CCDC73: variants seen among roughly 807,000 people sequenced by gnomAD.
CCDC73 encodes coiled-coil domain-containing protein 73.
In CCDC73, 95 loss-of-function variants were observed where a neutral mutation model predicts 116.5. The observed-to-expected ratio is 0.82, with a 90% CI of 0.69 to 0.97. The LOEUF (loss-of-function observed/expected upper bound fraction) is 0.97. Among genes scored for constraint, CCDC73 ranks in the 50% least tolerant of loss-of-function variants. CCDC73 has a pLI of 0.00. For missense variants in CCDC73, 1,066 were observed against 1,206.8 expected, an observed-to-expected ratio of 0.88 and a Z score of 1.73; for synonymous variants, 398 against 401.3, an observed-to-expected ratio of 0.99 and a Z score of 0.10.
intron 14 of CCDC73, among the ~76,000 whole-genome samples, chr11:32,624,359 A>C (rs509396): frequency 0.43 from 65,466 of 151,414 alleles, 14,507 homozygotes; most frequent in African/African-American, 0.49. Flanking sequence ...AAAATAAATA[A>C]ATAAATAAAT....
intron 6 of CCDC73, among the ~76,000 whole-genome samples, chr11:32,693,284 T>C (rs973011412): frequency 5.3e-5 from 8 of 152,240 alleles, no homozygotes; most frequent in African/African-American, 1.7e-4. Context: ...ACAGGTTTCC[T>C]TGCCTAGTGG....
chr11:32,654,049 G>T lies in CCDC73; in HGVS notation c.775-12C>A. On this transcript the variant is annotated splice_polypyrimidine_tract_variant and intron_variant, in intron 10 of 17. Coordinates refer to ENST00000335185, the MANE Select transcript of CCDC73 (RefSeq NM_001008391.4). ...TTTAATTCCAATTCCTTTAAAATTT[G>T]AATAGTTTTAAAGTTATGATATAAA... is the stretch of plus-strand genomic sequence containing the variant. 4 of 1,577,290 alleles carry T rather than the reference G, an allele frequency of 2.5e-6. No homozygotes were observed. The highest frequency in any genetic ancestry group is 1.2e-5 in the South Asian group (1 of 86,460).
intron 2 of CCDC73, among the ~76,000 whole-genome samples, chr11:32,739,663 C>T (rs1266870295): frequency 6.6e-6 from 1 of 152,088 alleles, no homozygotes; most frequent in Non-Finnish European, 1.5e-5. Flanking sequence ...TGAATTCATC[C>T]TTTCCAATTT....
At chr11:32,791,811 CA>C (rs759565652) in intron 1 of CCDC73, among the ~76,000 whole-genome samples, 18 of 152,150 alleles carry the variant, frequency 1.2e-4, no homozygotes, top group Non-Finnish European at 8.8e-5. Flanking sequence ...AAAACAAAAT[CA>C]AAAAGTATCC....
At chr11:32,648,005 C>T (rs942525979) in intron 12 of CCDC73, among the ~76,000 whole-genome samples, 1 of 152,144 alleles carries the variant, frequency 6.6e-6, no homozygotes, top group African/African-American at 2.4e-5. Flanking sequence ...AGATCCCCTT[C>T]CCCCCAAACC....
intron 16 of CCDC73, 61 bp from the exon 17 acceptor site, chr11:32,611,326 CTG>C (rs1393588244): frequency 9.1e-6 from 13 of 1,426,542 alleles, no homozygotes; most frequent in Non-Finnish European, 1.3e-5. Context: ...ATTTTAGTGA[CTG>C]AACTTGTTTC....
chr11:32,629,313 A>G (rs950398629), intron 14 of CCDC73, among the ~76,000 whole-genome samples: 4 of 152,240 alleles, frequency 2.6e-5, no homozygotes, highest in African/African-American at 9.6e-5. Context: ...ATAAATTCCA[A>G]GCAAGATATG....
chr11:32,771,849 C>T (rs1429772711), intron 1 of CCDC73, among the ~76,000 whole-genome samples: 1 of 152,220 alleles, frequency 6.6e-6, no homozygotes, highest in Non-Finnish European at 1.5e-5. Flanking sequence ...TATGTCTCCA[C>T]TAGGATTGCC....
intron 1 of CCDC73, among the ~76,000 whole-genome samples, chr11:32,765,178 C>A (rs922537783): frequency 3.3e-5 from 5 of 152,130 alleles, no homozygotes; most frequent in African/African-American, 1.2e-4. Flanking sequence ...GACTTTAACA[C>A]CCCCACTGTC....
intron 1 of CCDC73, among the ~76,000 whole-genome samples, chr11:32,762,427 G>C (rs147423082): frequency 6.6e-6 from 1 of 152,256 alleles, no homozygotes; most frequent in East Asian, 1.9e-4. Flanking sequence ...CTCTTATGGA[G>C]TCTGATTTAA....
intron 5 of CCDC73, among the ~76,000 whole-genome samples, chr11:32,700,229 A>T (rs1849800334): frequency 6.6e-6 from 1 of 152,112 alleles, no homozygotes; most frequent in African/African-American, 2.4e-5. Context: ...TTTGGCTAAA[A>T]ATAAACCATA....
chr11:32,635,058 A>T (rs764853978), intron 14 of CCDC73, among the ~76,000 whole-genome samples: 2 of 152,212 alleles, frequency 1.3e-5, no homozygotes, highest in African/African-American at 2.4e-5. Context: ...AATAAATTTA[A>T]CCTAAAATTT....
At position 32,606,806 on chromosome 11, in the gene CCDC73, C is replaced by CTT. The variant is rs10591021; in HGVS notation, c.3031-3788_3031-3787dup. ...GTTAAAAATTCTATAAAAATAAATTCTTTTTTTTTTTTTTTTTTTTTTGAG... is the reference window on the plus strand; with the variant it reads ...GTTAAAAATTCTATAAAAATAAATTCTTTTTTTTTTTTTTTTTTTTTTTTGAG... On this transcript the variant is annotated intron_variant, in intron 17 of 17. Transcript: ENST00000335185. 1.6e-3 allele frequency among the ~76,000 whole-genome samples: 162 copies of CTT among 101,034 alleles called. 1 individual carries two copies. Among genetic ancestry groups the CTT allele is most frequent in the East Asian group, 6.8e-3 (27 of 3,984 alleles). 66.3% of individuals were successfully genotyped at this position (101,034 alleles called of 152,430 possible).
At chr11:32,732,073 A>G (rs1338965661) in intron 2 of CCDC73, among the ~76,000 whole-genome samples, 2 of 152,222 alleles carry the variant, frequency 1.3e-5, no homozygotes, top group Non-Finnish European at 2.9e-5. Context: ...AAGACCTTAA[A>G]TGACCTGATG....
Position 32,614,146 on chromosome 11 carries a change from C to A in CCDC73, c.2172G>T (p.Lys724Asn), listed in dbSNP as rs377693069. 9.5e-5 allele frequency: 154 copies of A among 1,613,576 alleles called. No homozygotes were observed. Among genetic ancestry groups the A allele is most frequent in the Non-Finnish European group, 1.3e-4 (152 of 1,179,808 alleles). The stretch of plus-strand genomic sequence containing the variant: ...TACTATGGACATTTTTATCTGAGTT[C>A]TTCAGAAGTAGTTTTGAATTAGCAC... Reference protein sequence around the residue: ...AFSANSKLLLKNSDKNVHSMS... With the variant: ...AFSANSKLLLNNSDKNVHSMS... The change falls in exon 16 of 18, where the codon AAG becomes AAT. Residue 724 changes from lysine (K) to asparagine (N), a missense_variant. Physicochemically the swap from Lys to Asn is moderately conservative, Grantham distance 94. Coordinates refer to ENST00000335185, the MANE Select transcript of CCDC73 (RefSeq NM_001008391.4).
intron 1 of CCDC73, among the ~76,000 whole-genome samples, chr11:32,768,648 A>G (rs2133384987): frequency 6.6e-6 from 1 of 152,336 alleles, no homozygotes; most frequent in South Asian, 2.1e-4. Flanking sequence ...GATAATGCCC[A>G]TAAGAACTTT....
intron 7 of CCDC73, among the ~76,000 whole-genome samples, chr11:32,678,519 AAT>A (rs1856112597): frequency 1.3e-5 from 2 of 152,266 alleles, no homozygotes; most frequent in South Asian, 4.1e-4. Context: ...ATCACAATAA[AAT>A]GATTGTTATT....
At chr11:32,789,709 G>A (rs2133405884) in intron 1 of CCDC73, among the ~76,000 whole-genome samples, 1 of 152,256 alleles carries the variant, frequency 6.6e-6, no homozygotes, top group Middle Eastern at 3.4e-3. Flanking sequence ...GGAAGTCAAG[G>A]CTACAGCTAG....
the CCDC73 span, among the ~76,000 whole-genome samples, chr11:32,809,203 A>G: frequency 6.6e-6 from 1 of 152,256 alleles, no homozygotes; most frequent in African/African-American, 2.4e-5. Flanking sequence ...AACAGAAGTA[A>G]GGTTAAGGGA....
Sources: allele counts gnomAD v4.1 joint callset (sites outside exome capture counted in the v4.1 genomes callset), GRCh38; gene constraint gnomAD v4.1.1; transcripts MANE v1.5; gene names NCBI Gene and HGNC (gene_info 2026-07-23, HGNC 2026-07-21).